Variants in IFT80 observed in about 807,000 individuals in gnomAD.
The protein encoded by IFT80 is intraflagellar transport protein 80 homolog.
A neutral mutation model predicts 107.9 loss-of-function variants in IFT80; 79 were observed. The observed-to-expected ratio is 0.73, with a 90% confidence interval of 0.61 to 0.88. The LOEUF is 0.88. Among genes scored for constraint, IFT80 ranks in the 40% least tolerant of loss-of-function variants. IFT80 has a pLI of 0.00. For synonymous variants in IFT80, 299 were observed against 300.9 expected (o/e 0.99, Z 0.07); for missense variants, 797 against 914.2 (o/e 0.87, Z 1.65).
intron 7 of IFT80, 134 bp downstream of exon 7, chr3:160,357,355 A>G (rs1302587269): frequency 2.2e-5 from 13 of 590,688 alleles, no homozygotes; most frequent in Non-Finnish European, 3.7e-5. Context: ...ACCACTTAAC[A>G]TTATAAAATA....
At chr3:160,389,789 A>G (rs1292756890) in intron 1 of IFT80, among the ~76,000 whole-genome samples, 2 of 152,170 alleles carry the variant, frequency 1.3e-5, no homozygotes, top group Non-Finnish European at 2.9e-5. Context: ...TACAATAAAC[A>G]TACGTGTGCA....
chr3:160,356,626 T>G (rs1721110870), intron 7 of IFT80, among the ~76,000 whole-genome samples: 1 of 152,182 alleles, frequency 6.6e-6, no homozygotes, highest in African/African-American at 2.4e-5. Context: ...GCTCAAGAGA[T>G]CTTCCTGCTT....
At chr3:160,368,969 G>C (rs1241927235) in intron 5 of IFT80, among the ~76,000 whole-genome samples, 1 of 151,864 alleles carries the variant, frequency 6.6e-6, no homozygotes, top group Admixed American at 6.6e-5. Context: ...TGTGGTAAAA[G>C]GCACGGTTGG....
At chr3:160,352,123 C>T (rs1299657836) in intron 8 of IFT80, among the ~76,000 whole-genome samples, 1 of 151,482 alleles carries the variant, frequency 6.6e-6, no homozygotes, top group Non-Finnish European at 1.5e-5. Context: ...TCACGCCATT[C>T]TCCTGCCTCA....
At chr3:160,349,454 GA>G (rs1038899220) in intron 8 of IFT80, among the ~76,000 whole-genome samples, 2,086 of 134,300 alleles carry the variant, frequency 0.016, 23 homozygotes, top group Non-Finnish European at 0.023. Flanking sequence ...CTCTCAAAAA[GA>G]AAAAAAAAAA....
In IFT80 at chr3:160,366,171, A is replaced by G; in HGVS notation, c.440-19T>C. On this transcript the variant is annotated intron_variant, in intron 5 of 19. Transcript: ENST00000326448. ...GGTGTTCCTGTAAGATGAAAAAAGA[A>G]AAAAAAAAGGCTGATAAACTTTAAT... The G allele has an allele frequency of 6.5e-7, 1 of 1,536,034 alleles. No homozygotes were observed.
At chr3:160,311,770 G>A (rs888157208) in intron 9 of IFT80, among the ~76,000 whole-genome samples, 19 of 152,054 alleles carry the variant, frequency 1.2e-4, no homozygotes, top group Non-Finnish European at 2.5e-4. Flanking sequence ...CAGTAGTCAG[G>A]TGTTGTTTTT....
At chr3:160,304,759 G>A (rs549572567) in intron 10 of IFT80, among the ~76,000 whole-genome samples, 1 of 152,216 alleles carries the variant, frequency 6.6e-6, no homozygotes, top group South Asian at 2.1e-4. Context: ...AGCTTAACCT[G>A]CTAAGCATTA....
chr3:160,396,771 G>C (rs1416846122), intron 1 of IFT80, among the ~76,000 whole-genome samples: 1 of 152,148 alleles, frequency 6.6e-6, no homozygotes, highest in Non-Finnish European at 1.5e-5. Context: ...AATTTCATGA[G>C]ACATGTCCAA....
At chr3:160,366,260 C>T (rs1721857480) in intron 5 of IFT80, 108 bp from the exon 6 acceptor site, 2 of 770,972 alleles carry the variant, frequency 2.6e-6, no homozygotes, top group African/African-American at 1.8e-5. Context: ...GGTGTCATTT[C>T]ATTTCTTCTC....
intron 12 of IFT80, among the ~76,000 whole-genome samples, chr3:160,294,877 C>A (rs1048445879): frequency 6.6e-6 from 1 of 152,094 alleles, no homozygotes; most frequent in Non-Finnish European, 1.5e-5. Context: ...AAGGCATACA[C>A]GCAAATAAGG....
chr3:160,368,729 G>A (rs1276101402), intron 5 of IFT80, among the ~76,000 whole-genome samples: 2 of 151,928 alleles, frequency 1.3e-5, no homozygotes, highest in African/African-American at 4.8e-5. Context: ...AGCTAAGGTT[G>A]TAGAATTATA....
intron 12 of IFT80, among the ~76,000 whole-genome samples, chr3:160,297,234 C>G (rs1478971769): frequency 1.3e-5 from 2 of 152,018 alleles, no homozygotes; most frequent in African/African-American, 4.8e-5. Context: ...CTGCTGTTTA[C>G]TCTTTTGAAA....
At chr3:160,397,774 T>A (rs1713922378) in intron 1 of IFT80, among the ~76,000 whole-genome samples, 1 of 148,488 alleles carries the variant, frequency 6.7e-6, no homozygotes, top group African/African-American at 2.5e-5. Flanking sequence ...CAGGCTGTAG[T>A]GCAACGGCAC....
At chr3:160,260,162 C>T (rs1027851716) in intron 19 of IFT80, among the ~76,000 whole-genome samples, 1 of 152,086 alleles carries the variant, frequency 6.6e-6, no homozygotes, top group African/African-American at 2.4e-5. Flanking sequence ...ATGCCATATA[C>T]TTATGTATAA....
chr3:160,262,757 G>A (rs76290175), intron 19 of IFT80, among the ~76,000 whole-genome samples: 1 of 152,120 alleles, frequency 6.6e-6, no homozygotes, highest in South Asian at 2.1e-4. Flanking sequence ...ATTTGCTGCA[G>A]CTTGTCTTTA....
At chr3:160,315,986 TG>T (rs1222458216) in intron 9 of IFT80, among the ~76,000 whole-genome samples, 2 of 152,202 alleles carry the variant, frequency 1.3e-5, no homozygotes, top group South Asian at 2.1e-4. Context: ...CAATGATCCC[TG>T]CCTCCTGGTA....
chr3:160,365,554 A>G (rs1721806717), intron 6 of IFT80, among the ~76,000 whole-genome samples: 1 of 152,112 alleles, frequency 6.6e-6, no homozygotes, highest in Non-Finnish European at 1.5e-5. Flanking sequence ...AATAATACAG[A>G]TAATAACAGG....
intron 18 of IFT80, among the ~76,000 whole-genome samples, chr3:160,270,457 T>C (rs1426201571): frequency 6.6e-6 from 1 of 152,242 alleles, no homozygotes; most frequent in Non-Finnish European, 1.5e-5. Context: ...CAAATGGTAA[T>C]GCCAAAATTG....
Sources: allele counts gnomAD v4.1 joint callset (sites outside exome capture counted in the v4.1 genomes callset), GRCh38; gene constraint gnomAD v4.1.1; transcripts MANE v1.5; gene names NCBI Gene and HGNC (gene_info 2026-07-23, HGNC 2026-07-21).